MRTFA: variants seen among roughly 807,000 people sequenced by gnomAD.
MRTFA encodes the protein myocardin related transcription factor A.
A neutral mutation model predicts 83.5 loss-of-function variants in MRTFA; 20 were observed. The observed-to-expected ratio is 0.24, with a 90% CI of 0.17 to 0.35. The LOEUF (loss-of-function observed/expected upper bound fraction) is 0.35, where lower values mean the gene tolerates loss of function less well. Ranked by LOEUF, MRTFA falls within the 10% of genes least tolerant of loss-of-function variation. The pLI is 1.00. For synonymous variants in MRTFA, 659 were observed against 541.2 expected, an observed-to-expected ratio of 1.22 and a Z score of -3.02; for missense variants, 1,200 against 1,224.7, an observed-to-expected ratio of 0.98 and a Z score of 0.30.
chr22:40,604,960 C>G (rs17002038), intron 1 of MRTFA, among the ~76,000 whole-genome samples: 1 of 151,998 alleles, frequency 6.6e-6, no homozygotes, highest in African/African-American at 2.4e-5. Flanking sequence ...AATCTATGAC[C>G]TATCAGGAAA....
intron 3 of MRTFA, among the ~76,000 whole-genome samples, chr22:40,468,119 G>A (rs1272963636): frequency 1.3e-5 from 2 of 152,162 alleles, no homozygotes; most frequent in Non-Finnish European, 2.9e-5. Flanking sequence ...AAAAGCCAAG[G>A]AGTGACCTTA....
intron 2 of MRTFA, among the ~76,000 whole-genome samples, chr22:40,588,635 G>C (rs1255720787): frequency 1.3e-5 from 2 of 152,184 alleles, no homozygotes; most frequent in African/African-American, 4.8e-5. Flanking sequence ...GGTCAGAGAT[G>C]TAACATAGTA....
chr22:40,440,486 CT>C (rs1695551626), intron 4 of MRTFA, among the ~76,000 whole-genome samples: 1 of 152,224 alleles, frequency 6.6e-6, no homozygotes, highest in African/African-American at 2.4e-5. Flanking sequence ...TAATTCTTCT[CT>C]CTGATAGCAG....
chr22:40,413,030 A>G (rs5757946), intron 14 of MRTFA: 58,098 of 149,778 alleles, frequency 0.39, 11,737 homozygotes, highest in East Asian at 0.62. Flanking sequence ...CCAGCTACTC[A>G]GGAGGCTGAG....
chr22:40,426,798 C>G (rs920902950), intron 7 of MRTFA, among the ~76,000 whole-genome samples: 1 of 152,196 alleles, frequency 6.6e-6, no homozygotes, highest in African/African-American at 2.4e-5. Flanking sequence ...TTACACTGTC[C>G]ATTACAGCAG....
At chr22:40,631,294 T>A (rs907450142) in intron 1 of MRTFA, among the ~76,000 whole-genome samples, 1 of 152,204 alleles carries the variant, frequency 6.6e-6, no homozygotes, top group Admixed American at 6.5e-5. Context: ...CCCAGTCAGT[T>A]CTACGCTACT....
intron 3 of MRTFA, among the ~76,000 whole-genome samples, chr22:40,497,932 G>C (rs936687528): frequency 1.3e-5 from 2 of 152,060 alleles, no homozygotes; most frequent in Non-Finnish European, 2.9e-5. Flanking sequence ...TCAGGAGTTG[G>C]AGACCAGTCT....
intron 3 of MRTFA, among the ~76,000 whole-genome samples, chr22:40,535,980 G>C (rs1167958836): frequency 6.6e-6 from 1 of 151,914 alleles, no homozygotes; most frequent in Non-Finnish European, 1.5e-5. Context: ...GAGGTAAAAA[G>C]ACCTAAATAA....
intron 2 of MRTFA, chr22:40,587,652 T>G: frequency 3.2e-6 from 1 of 314,690 alleles, no homozygotes; most frequent in East Asian, 8.6e-5. Context: ...TTTTGGATTG[T>G]GTTCACTCTA....
intron 2 of MRTFA, chr22:40,587,904 GA>G (rs2056055897): frequency 2.4e-6 from 1 of 416,390 alleles, no homozygotes; most frequent in Non-Finnish European, 4.6e-6. Context: ...ATATCTGGTG[GA>G]ATGGGAGCCT....
At chr22:40,452,500 A>C (rs2053512345) in intron 4 of MRTFA, among the ~76,000 whole-genome samples, 1 of 152,138 alleles carries the variant, frequency 6.6e-6, no homozygotes, top group Non-Finnish European at 1.5e-5. Context: ...CTTTTTAGAC[A>C]TCAAACTGTA....
Position 40,632,096 on chromosome 22 carries a change from T to G in MRTFA, c.-84+4382A>C, listed in dbSNP as rs184091109. ...AATGCAGCAGCTTGGTCTTTTGTAT[T>G]ACATGCTCTGAGGCAAGCTGGCTGC... is the stretch of plus-strand genomic sequence containing the variant. On this transcript the variant is annotated intron_variant, in intron 1 of 14. Coordinates refer to ENST00000355630, the MANE Select transcript of MRTFA (RefSeq NM_020831.6). Among the ~76,000 whole-genome samples the G allele has an allele frequency of 8.9e-4, 135 of 152,342 alleles. 1 individual carries two copies. The Middle Eastern group carries it at 0.02, about 23-fold the overall frequency.
chr22:40,516,649 C>A (rs1223240355), intron 3 of MRTFA, among the ~76,000 whole-genome samples: 1 of 151,952 alleles, frequency 6.6e-6, no homozygotes, highest in African/African-American at 2.4e-5. Flanking sequence ...ACGTTTATGG[C>A]AAGACACGCT....
Position 40,430,672 on chromosome 22 carries a change from A to G in MRTFA, c.439+733T>C, listed in dbSNP as rs183178360. Among the ~76,000 whole-genome samples, 440 of 152,198 alleles carry G rather than the reference A, an allele frequency of 2.9e-3. 3 individuals are homozygous for G. The highest frequency in any genetic ancestry group is 0.01 in the African/African-American group (421 of 41,522). ...TCAGGAGTTCGAGACCAGCCTGGCC[A>G]ACATGGTGAAACCCCATCTCTACTA... On this transcript the variant is annotated intron_variant, in intron 6 of 14. Coordinates refer to ENST00000355630, the MANE Select transcript of MRTFA (RefSeq NM_020831.6).
chr22:40,433,858 T>C (rs2053116921), intron 5 of MRTFA, among the ~76,000 whole-genome samples: 1 of 152,252 alleles, frequency 6.6e-6, no homozygotes. Context: ...TATTGTAATG[T>C]GGAAGTCATT....
intron 1 of MRTFA, among the ~76,000 whole-genome samples, chr22:40,595,343 G>C (rs2056177179): frequency 6.6e-6 from 1 of 151,522 alleles, no homozygotes; most frequent in Non-Finnish European, 1.5e-5. Flanking sequence ...GGATGGTCTC[G>C]ATCTCCTGAC....
At chr22:40,569,439 T>C (rs17002020) in intron 2 of MRTFA, 13,241 of 161,758 alleles carry the variant, frequency 0.082, 796 homozygotes, top group East Asian at 0.24. Context: ...GGAGGTAATG[T>C]ATGGCCGGGT....
chr22:40,459,822 CATATAT>C lies in MRTFA; in HGVS notation c.307+3393_307+3398del, dbSNP rs1284924516. 4.3e-3 allele frequency among the ~76,000 whole-genome samples: 294 copies of C among 68,240 alleles called. 2 individuals carry two copies. The highest frequency in any genetic ancestry group is 0.019 in the South Asian group (29 of 1,490). 44.8% of individuals were successfully genotyped at this position (68,240 alleles called of 152,430 possible). On this transcript the variant is annotated intron_variant, in intron 4 of 14. Coordinates refer to ENST00000355630, the MANE Select transcript of MRTFA (RefSeq NM_020831.6). ...ACACACACACACACACACACACACA[CATATAT>C]ACATATATATATATATATATATATA...
intron 3 of MRTFA, among the ~76,000 whole-genome samples, chr22:40,485,634 C>A (rs887343625): frequency 6.6e-6 from 1 of 152,208 alleles, no homozygotes; most frequent in Non-Finnish European, 1.5e-5. Context: ...GCCTAAATTG[C>A]TTAGCCTCCT....
Sources: allele counts gnomAD v4.1 joint callset (sites outside exome capture counted in the v4.1 genomes callset), GRCh38; gene constraint gnomAD v4.1.1; transcripts MANE v1.5; gene names NCBI Gene and HGNC (gene_info 2026-07-23, HGNC 2026-07-21).